Variants in KCNMA1 observed in about 807,000 individuals in gnomAD.
The protein encoded by KCNMA1 is Calcium-activated potassium channel subunit alpha-1.
KCNMA1 carries 29 observed loss-of-function variants against 140.0 expected under a neutral mutation model. The observed-to-expected ratio is 0.21, with a 90% CI of 0.15 to 0.28. The LOEUF is 0.28. KCNMA1 is among the 10% of genes least tolerant of loss of function. The pLI is 1.00. For synonymous variants in KCNMA1, 612 were observed against 611.9 expected, an observed-to-expected ratio of 1.00 and a Z score of 0.00; for missense variants, 880 against 1,602.2, an observed-to-expected ratio of 0.55 and a Z score of 7.70.
intron 2 of KCNMA1, among the ~76,000 whole-genome samples, chr10:77,293,813 G>A (rs77567866): frequency 1.5e-3 from 231 of 152,334 alleles, no homozygotes; most frequent in Middle Eastern, 6.8e-3. Flanking sequence ...TCCCCATCAT[G>A]CATTCTTTCC....
intron 1 of KCNMA1, among the ~76,000 whole-genome samples, chr10:77,529,074 T>C (rs544956701): frequency 7.2e-4 from 109 of 152,232 alleles, no homozygotes; most frequent in African/African-American, 2.5e-3. Context: ...TTTTATAGTG[T>C]GTATATTTTA....
Position 77,251,306 on chromosome 10 carries a change from G to A in KCNMA1, c.541-50C>T, listed in dbSNP as rs539246751. The A allele has an allele frequency of 4.0e-6, 6 of 1,506,060 alleles. No individual in the cohort carries two copies. The South Asian group carries it at 5.7e-5, about 14-fold the overall frequency. 93.3% of individuals were successfully genotyped at this position (1,506,060 alleles called of 1,614,324 possible). A position where few individuals can be genotyped will look rare whatever the true frequency, so the allele number is the denominator to read the frequency against. ...TCACTTAAGAGTTGGACCTCAGGATGTTTGGGTTTTTTGACACATACCGAA... is the reference window on the plus strand; with the variant it reads ...TCACTTAAGAGTTGGACCTCAGGATATTTGGGTTTTTTGACACATACCGAA... On this transcript the variant is annotated intron_variant, in intron 2 of 27. Coordinates refer to ENST00000286628, the MANE Select transcript of KCNMA1 (RefSeq NM_001161352.2).
chr10:76,949,470 G>A, intron 21 of KCNMA1, 104 bp from the exon 22 acceptor site: 1 of 930,008 alleles, frequency 1.1e-6, no homozygotes, highest in East Asian at 2.6e-5. Flanking sequence ...AATATTTGCT[G>A]AGAGCTTACT....
intron 25 of KCNMA1, among the ~76,000 whole-genome samples, chr10:76,895,979 C>T (rs964646514): frequency 9.2e-5 from 14 of 152,108 alleles, no homozygotes; most frequent in African/African-American, 2.7e-4. Context: ...AAGGTCAGGG[C>T]AAAACTAGAA....
At chr10:77,356,274 G>T (rs775141994) in intron 2 of KCNMA1, among the ~76,000 whole-genome samples, 14 of 152,316 alleles carry the variant, frequency 9.2e-5, no homozygotes, top group Non-Finnish European at 1.2e-4. Flanking sequence ...GTATATGTCA[G>T]AGGATTGTTG....
chr10:77,176,197 C>A (rs1226877252), intron 5 of KCNMA1, among the ~76,000 whole-genome samples: 2 of 152,162 alleles, frequency 1.3e-5, no homozygotes, highest in Non-Finnish European at 2.9e-5. Context: ...GGTGTGCTGA[C>A]CCCATCCACC....
intron 1 of KCNMA1, among the ~76,000 whole-genome samples, chr10:77,442,418 CTCCTAAGCTGTTCTCCCTACCCCTAA>C (rs1333520296): frequency 6.6e-6 from 1 of 152,094 alleles, no homozygotes; most frequent in Admixed American, 6.5e-5. Flanking sequence ...CCTGCCCCAG[CTCCTAAGCTGTTCTCCCTACCCCTAA>C]TCTTAGCAGG....
chr10:76,933,633 C>T lies in KCNMA1; in HGVS notation c.2902+11140G>A, dbSNP rs190716130. On this transcript the variant is annotated intron_variant, in intron 23 of 27. Transcript: ENST00000286628. Reference sequence around the variant, plus strand: ...ATCACACTTATTTTCAAATTCTGGTCCCTTTACTCTGGAGTCTTTCCTGAC... The same window carrying T: ...ATCACACTTATTTTCAAATTCTGGTTCCTTTACTCTGGAGTCTTTCCTGAC... Among the ~76,000 whole-genome samples the T allele has an allele frequency of 6.9e-4, 105 of 152,270 alleles. 1 individual carries two copies. Among genetic ancestry groups the T allele is most frequent in the Admixed American group, 6.8e-3 (104 of 15,288 alleles).
chr10:77,622,606 T>A (rs140797690), intron 1 of KCNMA1, among the ~76,000 whole-genome samples: 1 of 152,214 alleles, frequency 6.6e-6, no homozygotes, highest in African/African-American at 2.4e-5. Context: ...CAAAGTTTGT[T>A]ATCCAAAAAA....
At chr10:77,085,886 T>C (rs1018690964) in intron 11 of KCNMA1, among the ~76,000 whole-genome samples, 2 of 152,162 alleles carry the variant, frequency 1.3e-5, no homozygotes, top group Admixed American at 6.5e-5. Context: ...CCTTGTACCT[T>C]TCCCTTCTAA....
chr10:77,415,845 G>A (rs868204743), intron 1 of KCNMA1, among the ~76,000 whole-genome samples: 5 of 152,168 alleles, frequency 3.3e-5, no homozygotes, highest in South Asian at 2.1e-4. Context: ...GTGTGTCAGT[G>A]GAAGACAACT....
intron 5 of KCNMA1, among the ~76,000 whole-genome samples, chr10:77,145,461 C>A (rs1273900615): frequency 1.3e-5 from 2 of 152,164 alleles, no homozygotes; most frequent in African/African-American, 4.8e-5. Flanking sequence ...TCATTTTGCA[C>A]TCCTCCCACC....
At chr10:76,969,910 G>T in intron 20 of KCNMA1, 64 bp downstream of exon 20, 1 of 1,299,214 alleles carries the variant, frequency 7.7e-7, no homozygotes, top group Non-Finnish European at 1.1e-6. Flanking sequence ...AGGGTGAGGA[G>T]AGGGCGAGGG....
chr10:77,137,030 T>A (rs2098053892), intron 5 of KCNMA1, among the ~76,000 whole-genome samples: 2 of 152,166 alleles, frequency 1.3e-5, no homozygotes, highest in African/African-American at 4.8e-5. Flanking sequence ...ATTTTAGCAA[T>A]GACCAGACAG....
chr10:77,116,221 A>G (rs1407981655), intron 6 of KCNMA1, among the ~76,000 whole-genome samples: 2 of 152,200 alleles, frequency 1.3e-5, no homozygotes, highest in Non-Finnish European at 1.5e-5. Flanking sequence ...TTGCCTATAC[A>G]ATTCCTGAGT....
Position 77,373,310 on chromosome 10 carries a change from G to T in KCNMA1, c.540+30552C>A, listed in dbSNP as rs138487239. Reference sequence around the variant, plus strand: ...TGCCACCCAGGTGCCACCAACTCTGGGAGTGTGAGCAAGTCCCTCCCTCCC... The same window carrying T: ...TGCCACCCAGGTGCCACCAACTCTGTGAGTGTGAGCAAGTCCCTCCCTCCC... On this transcript the variant is annotated intron_variant, in intron 2 of 27. Coordinates refer to ENST00000286628, the MANE Select transcript of KCNMA1 (RefSeq NM_001161352.2). Among the ~76,000 whole-genome samples the T allele has an allele frequency of 7.9e-5, 12 of 152,236 alleles. No individual in the cohort carries two copies. The East Asian group carries it at 2.3e-3, about 29-fold the overall frequency.
intron 1 of KCNMA1, among the ~76,000 whole-genome samples, chr10:77,570,660 C>T (rs957004484): frequency 6.8e-6 from 1 of 147,310 alleles, no homozygotes; most frequent in African/African-American, 2.5e-5. Context: ...GTGGGTGCAG[C>T]GCACCAGCAT....
rs1598811741 is a variant in KCNMA1, at chr10:77,210,382, T to A, written c.603-25466A>T. On this transcript the variant is annotated intron_variant, in intron 3 of 27. Coordinates refer to ENST00000286628, the MANE Select transcript of KCNMA1 (RefSeq NM_001161352.2). ...TCTAACATCCCTTCATGATAGAAAC[T>A]CTGAAAAGAGTAAGCATCAAAGGAA... is the stretch of plus-strand genomic sequence containing the variant. Among the ~76,000 whole-genome samples the A allele has an allele frequency of 2.0e-5, 3 of 152,078 alleles. No individual in the cohort carries two copies. In the South Asian group the frequency reaches 6.2e-4, roughly 32 times the overall value.
chr10:77,406,781 G>A (rs767572602), intron 1 of KCNMA1, among the ~76,000 whole-genome samples: 1 of 152,122 alleles, frequency 6.6e-6, no homozygotes, highest in Non-Finnish European at 1.5e-5. Context: ...CACATCTGAG[G>A]CTCTAGTGTT....
Sources: allele counts gnomAD v4.1 joint callset (sites outside exome capture counted in the v4.1 genomes callset), GRCh38; gene constraint gnomAD v4.1.1; transcripts MANE v1.5; gene names NCBI Gene and HGNC (gene_info 2026-07-23, HGNC 2026-07-21).